The following WDR75 variants were observed in gnomAD, a reference collection of about 807,000 sequenced individuals.
WDR75 encodes the protein WD repeat-containing protein 75.
Under a neutral mutation model 106.1 loss-of-function variants are expected in WDR75, and 52 were observed. That is an observed-to-expected ratio of 0.49 (90% confidence interval 0.39 to 0.62). The LOEUF is 0.62. Among genes scored for constraint, WDR75 ranks in the 20% least tolerant of loss-of-function variants. WDR75 has a pLI of 0.00. For missense variants in WDR75, 905 were observed against 970.3 expected (o/e 0.93, Z 0.89); for synonymous variants, 333 against 335.5 (o/e 0.99, Z 0.08).
intron 1 of WDR75, among the ~76,000 whole-genome samples, chr2:189,442,393 A>C (rs1686394436): frequency 6.6e-6 from 1 of 150,930 alleles, no homozygotes; most frequent in Admixed American, 6.6e-5. Context: ...TTTCTGCCTT[A>C]GAAGAGTAGA....
chr2:189,462,452 C>T (rs766198342), intron 8 of WDR75, 32 bp from the exon 9 acceptor site: 26 of 1,595,074 alleles, frequency 1.6e-5, no homozygotes, highest in Middle Eastern at 3.4e-4. Context: ...CTCAAAACAC[C>T]ATCCTTTTAA....
intron 12 of WDR75, among the ~76,000 whole-genome samples, chr2:189,465,497 A>G (rs6728197): frequency 0.065 from 9,866 of 152,224 alleles, 497 homozygotes; most frequent in African/African-American, 0.14. Flanking sequence ...CCTCAAGGGC[A>G]TAATACCGAA....
Position 189,467,581 on chromosome 2 carries a change from G to A in WDR75, c.1561G>A (p.Val521Ile). 6.2e-7 allele frequency: 1 copy of A among 1,611,782 alleles called. No homozygotes were observed. Among genetic ancestry groups the A allele is most frequent in the Non-Finnish European group, 8.5e-7 (1 of 1,178,796 alleles). Residue 521 changes from valine (V) to isoleucine (I), a missense_variant, in exon 14 of 21, where the codon GTC (valine) becomes ATC (isoleucine). Coordinates refer to ENST00000314761, the MANE Select transcript of WDR75 (RefSeq NM_032168.3). ...ACTAGCAGTTAGTTTTGAGGAAATA[G>A]TCACAATATGGGATTCTGTAACATG... ...SLLAVSFEEIVTIWDSVTWEL... is the reference protein window; with the variant it reads ...SLLAVSFEEIITIWDSVTWEL...
In WDR75 at chr2:189,451,759, C is replaced by T; in HGVS notation, c.283-46C>T. On this transcript the variant is annotated intron_variant, in intron 3 of 20. Transcript: ENST00000314761. The stretch of plus-strand genomic sequence containing the variant: ...CTGCCTTGATGGATCTTATGTTCCA[C>T]TGGAGGGAACAGACAGTAAACACTA... The T allele has an allele frequency of 2.6e-6, 4 of 1,513,548 alleles. No individual in the cohort carries two copies. The South Asian group carries it at 4.6e-5, about 17-fold the overall frequency. 93.8% of individuals were successfully genotyped at this position (1,513,548 alleles called of 1,614,324 possible). A position where few individuals can be genotyped will look rare whatever the true frequency, so the allele number is the denominator to read the frequency against.
intron 16 of WDR75, 47 bp downstream of exon 16, chr2:189,469,486 G>C (rs1687074068): frequency 6.7e-7 from 1 of 1,483,960 alleles, no homozygotes; most frequent in African/African-American, 1.4e-5. Flanking sequence ...TATGACCTAA[G>C]TTTTCTTCTT....
Position 189,451,016 on chromosome 2 carries a change from A to G in WDR75, c.282+48A>G, listed in dbSNP as rs76793461. 2,361 of 1,573,138 alleles carry G rather than the reference A, an allele frequency of 1.5e-3. 34 individuals carry two copies. The African/African-American group carries it at 0.029, about 19-fold the overall frequency. On this transcript the variant is annotated intron_variant, in intron 3 of 20. Transcript: ENST00000314761. ...TTCGTTATGTGAATAAAAAAAGGCAATGTAATTTAATGGTAGATGTACTGT... is the reference window on the plus strand; with the variant it reads ...TTCGTTATGTGAATAAAAAAAGGCAGTGTAATTTAATGGTAGATGTACTGT...
intron 1 of WDR75, among the ~76,000 whole-genome samples, chr2:189,447,304 G>C (rs978983926): frequency 1.3e-5 from 2 of 152,202 alleles, no homozygotes; most frequent in Non-Finnish European, 2.9e-5. Flanking sequence ...ACCACTTTTA[G>C]TAATTTAGTA....
chr2:189,468,649 G>T (rs1687053910), intron 15 of WDR75, 80 bp downstream of exon 15: 2 of 1,398,824 alleles, frequency 1.4e-6, no homozygotes, highest in Non-Finnish European at 1.0e-6. Context: ...TAGGACTTAG[G>T]GATCATATCA....
Position 189,450,863 on chromosome 2 carries a change from C to A in WDR75, c.217-40C>A, listed in dbSNP as rs373151228. ...ATTCATTTGATATCTTGATGAATTT[C>A]TTTTTTTTAAATCAATTTTGTATTG... is the stretch of plus-strand genomic sequence containing the variant. On this transcript the variant is annotated intron_variant, in intron 2 of 20. Transcript: ENST00000314761. 19 of 1,592,982 alleles carry A rather than the reference C, an allele frequency of 1.2e-5. No individual in the cohort carries two copies. In the African/African-American group the frequency reaches 2.3e-4, roughly 19 times the overall value.
intron 2 of WDR75, chr2:189,449,198 T>A: frequency 7.9e-7 from 1 of 1,259,856 alleles, no homozygotes; most frequent in Non-Finnish European, 1.0e-6. Context: ...TCAACAATAT[T>A]TTGTTCTTGC....
At chr2:189,446,518 A>T (rs1039250518) in intron 1 of WDR75, among the ~76,000 whole-genome samples, 5 of 152,230 alleles carry the variant, frequency 3.3e-5, no homozygotes, top group African/African-American at 1.2e-4. Context: ...CCTGGCTGAC[A>T]GCACTTACAA....
intron 11 of WDR75, 101 bp downstream of exon 11, chr2:189,464,062 A>C: frequency 1.0e-6 from 1 of 958,616 alleles, no homozygotes; most frequent in South Asian, 1.5e-5. Context: ...GATCCTGTGC[A>C]TATGTTTACT....
At chr2:189,462,193 A>AT (rs947427518) in intron 8 of WDR75, among the ~76,000 whole-genome samples, 5 of 151,860 alleles carry the variant, frequency 3.3e-5, no homozygotes, top group African/African-American at 9.7e-5. Context: ...GTTTAGAAAA[A>AT]TTTATCAGTG....
rs1012376964 is a variant in WDR75 at position 189,455,316 on chromosome 2, C to T, written c.374-4C>T. ...TTTATATTAATATAGCTTTCTTTGG[C>T]TAGATATATTTCAGCTGGTTTCAGT... is the stretch of plus-strand genomic sequence containing the variant. On this transcript the variant is annotated splice_region_variant and splice_polypyrimidine_tract_variant and intron_variant, in intron 4 of 20. Coordinates refer to ENST00000314761, the MANE Select transcript of WDR75 (RefSeq NM_032168.3). 2.7e-5 allele frequency: 44 copies of T among 1,612,998 alleles called. No homozygotes were observed. Among genetic ancestry groups the T allele is most frequent in the Non-Finnish European group, 3.5e-5 (41 of 1,179,728 alleles).
rs1312573036 is a variant in WDR75 at position 189,448,502 on chromosome 2, T to C, written c.210T>C (p.His70=). ...VTGIQLNPNN[H]LQLYSCSLDG... is the part of the protein sequence containing the mutation. ...GAATCCAGCTTAACCCCAACAACCA[T>C]CTACAGGTGTCAAACAGTTTATAGC... The change falls in exon 2 of 21, where the codon CAT becomes CAC. Residue 70 remains histidine (H), a synonymous_variant. Coordinates refer to ENST00000314761, the MANE Select transcript of WDR75 (RefSeq NM_032168.3). 2.5e-6 allele frequency: 4 copies of C among 1,613,696 alleles called. No homozygotes were observed. Among genetic ancestry groups the C allele is most frequent in the Non-Finnish European group, 3.4e-6 (4 of 1,179,806 alleles).
intron 12 of WDR75, 148 bp downstream of exon 12, chr2:189,465,402 G>T: frequency 1.3e-6 from 1 of 792,416 alleles, no homozygotes. Context: ...AAACCTTTAA[G>T]CTTTCTGCTC....
Position 189,457,398 on chromosome 2 carries a change from A to C in WDR75, c.569+17A>C. On this transcript the variant is annotated intron_variant, in intron 6 of 20. Transcript: ENST00000314761. Reference sequence around the variant, plus strand: ...AACATCAAGGTAAGAATTATTTTTTATTAGCTTTATTTTATTTGCTCAAGA... The same window carrying C: ...AACATCAAGGTAAGAATTATTTTTTCTTAGCTTTATTTTATTTGCTCAAGA... The C allele has an allele frequency of 6.8e-7, 1 of 1,475,620 alleles. No homozygotes were observed. 91.4% of individuals were successfully genotyped at this position (1,475,620 alleles called of 1,614,324 possible). A position where few individuals can be genotyped will look rare whatever the true frequency, so the allele number is the denominator to read the frequency against.
intron 3 of WDR75, among the ~76,000 whole-genome samples, chr2:189,451,570 C>G (rs1389155035): frequency 6.6e-6 from 1 of 152,132 alleles, no homozygotes; most frequent in Non-Finnish European, 1.5e-5. Flanking sequence ...TAAATATGAC[C>G]TTGATGTCAG....
intron 3 of WDR75, among the ~76,000 whole-genome samples, chr2:189,451,532 A>G (rs182856753): frequency 4.6e-5 from 7 of 152,336 alleles, no homozygotes; most frequent in Admixed American, 1.3e-4. Context: ...CAAAGTCCTT[A>G]TAGCATTGTT....
Sources: gnomAD v4.1 joint callset for allele counts (sites outside exome capture counted in the v4.1 genomes callset) on GRCh38, gnomAD v4.1.1 for gene constraint, MANE v1.5 for transcripts, NCBI Gene and HGNC (gene_info 2026-07-23, HGNC 2026-07-21) for gene names.